The following SH3RF3 variants were observed in gnomAD, a reference collection of about 807,000 sequenced individuals.
SH3RF3 encodes the protein E3 ubiquitin-protein ligase SH3RF3.
A neutral mutation model predicts 66.3 loss-of-function variants in SH3RF3; 29 were observed. The ratio of observed to expected loss-of-function variants is 0.44; its 90% CI spans 0.33 to 0.60. The LOEUF (loss-of-function observed/expected upper bound fraction) is 0.60, where lower values mean the gene tolerates loss of function less well. Among genes scored for constraint, SH3RF3 ranks in the 20% least tolerant of loss-of-function variants. The pLI, the probability that SH3RF3 is intolerant of heterozygous loss-of-function variation, is 0.04. For missense variants in SH3RF3, 1,194 were observed against 1,190.9 expected, an observed-to-expected ratio of 1.00 and a Z score of -0.04; for synonymous variants, 583 against 532.0, an observed-to-expected ratio of 1.10 and a Z score of -1.32.
At chr2:109,179,887 AAAATACAG>A (rs1277608178) in intron 1 of SH3RF3, among the ~76,000 whole-genome samples, 1 of 152,220 alleles carries the variant, frequency 6.6e-6, no homozygotes, top group African/African-American at 2.4e-5. Context: ...TTATCGCAGG[AAAATACAG>A]GGGTCAAAAA....
chr2:109,387,146 G>T (rs1675843733), intron 3 of SH3RF3, among the ~76,000 whole-genome samples: 1 of 152,170 alleles, frequency 6.6e-6, no homozygotes, highest in Non-Finnish European at 1.5e-5. Flanking sequence ...TCTTTTCTAT[G>T]TATAAATTTA....
At chr2:109,280,603 C>A (rs575731529) in intron 1 of SH3RF3, among the ~76,000 whole-genome samples, 4 of 150,934 alleles carry the variant, frequency 2.7e-5, no homozygotes, top group Non-Finnish European at 5.9e-5. Flanking sequence ...AAGTAGTCTC[C>A]AAGCTAAAAA....
At chr2:109,333,943 G>A (rs750665716) in intron 1 of SH3RF3, among the ~76,000 whole-genome samples, 1 of 152,160 alleles carries the variant, frequency 6.6e-6, no homozygotes, top group Admixed American at 6.5e-5. Flanking sequence ...TAATAATGAG[G>A]ACATGCTCAG....
chr2:109,405,374 C>A (rs1676426871), intron 4 of SH3RF3, among the ~76,000 whole-genome samples: 1 of 152,170 alleles, frequency 6.6e-6, no homozygotes, highest in South Asian at 2.1e-4. Flanking sequence ...TGACTCCCTG[C>A]CCCTGAGTTC....
At chr2:109,390,133 T>C (rs1464821352) in intron 3 of SH3RF3, among the ~76,000 whole-genome samples, 2 of 152,254 alleles carry the variant, frequency 1.3e-5, no homozygotes, top group Non-Finnish European at 2.9e-5. Flanking sequence ...CCCCACCTGC[T>C]GCCAAGGGTC....
At chr2:109,274,807 G>T (rs1281250240) in intron 1 of SH3RF3, among the ~76,000 whole-genome samples, 2 of 151,970 alleles carry the variant, frequency 1.3e-5, no homozygotes, top group African/African-American at 4.8e-5. Flanking sequence ...CAATAAAAGA[G>T]CTAGTTCTAA....
intron 1 of SH3RF3, among the ~76,000 whole-genome samples, chr2:109,137,730 A>G (rs1676843272): frequency 6.6e-6 from 1 of 152,218 alleles, no homozygotes; most frequent in South Asian, 2.1e-4. Flanking sequence ...AGGTTAACTA[A>G]TCTCATTAGA....
At chr2:109,188,255 C>T (rs925996620) in intron 1 of SH3RF3, among the ~76,000 whole-genome samples, 1 of 152,228 alleles carries the variant, frequency 6.6e-6, no homozygotes, top group Non-Finnish European at 1.5e-5. Context: ...AACTCCACCG[C>T]CACCCCAGCA....
intron 1 of SH3RF3, among the ~76,000 whole-genome samples, chr2:109,217,242 T>C (rs1336176540): frequency 6.6e-6 from 1 of 152,256 alleles, no homozygotes; most frequent in African/African-American, 2.4e-5. Context: ...TTTAATAAAA[T>C]TCTGTCTTCC....
chr2:109,199,594 G>GTAACCCT (rs1678604480), intron 1 of SH3RF3, among the ~76,000 whole-genome samples: 1 of 86 alleles, frequency 0.012, no homozygotes, highest in African/African-American at 0.026. Context: ...GAATGGAATG[G>GTAACCCT]AATGGAATGG....
In SH3RF3 at chr2:109,387,375, C is replaced by G. The variant is rs144026450; in HGVS notation, c.946-11215C>G. Among the ~76,000 whole-genome samples the G allele has an allele frequency of 4.6e-3, 704 of 152,300 alleles. 8 individuals carry two copies. The highest frequency in any genetic ancestry group is 0.016 in the African/African-American group (676 of 41,558). ...ATCTCAGGGGAGATCCAGGACCTCC[C>G]AGGGGCCCAGAAGCTTCAGCACTAG... is the stretch of plus-strand genomic sequence containing the variant. On this transcript the variant is annotated intron_variant, in intron 3 of 9. Transcript: ENST00000309415.
In SH3RF3 at chr2:109,371,690, G is replaced by A. The variant is rs549944629; in HGVS notation, c.945+9G>A. On this transcript the variant is annotated intron_variant, in intron 3 of 9. Transcript: ENST00000309415. ...CGCTCCTGTACGTGGAGGTAAGACC[G>A]TGCCGCCCTCCCACACTTGGCTCCT... is the stretch of plus-strand genomic sequence containing the variant. The A allele has an allele frequency of 3.0e-5, 49 of 1,611,940 alleles. No homozygotes were observed. In the South Asian group the frequency reaches 3.6e-4, roughly 12 times the overall value.
At position 109,154,654 on chromosome 2, in the gene SH3RF3, T is replaced by C. The variant is rs1487684620; in HGVS notation, c.573+24541T>C. 2.6e-5 allele frequency among the ~76,000 whole-genome samples: 4 copies of C among 152,216 alleles called. No homozygotes were observed. The East Asian group carries it at 7.7e-4, about 29-fold the overall frequency. ...CTTCTGGCCTCCAAATGAATACTTT[T>C]GGCCTTGCTGTAGTGCTGGCCAGGG... On this transcript the variant is annotated intron_variant, in intron 1 of 9. Transcript: ENST00000309415.
At chr2:109,206,039 G>A (rs959699956) in intron 1 of SH3RF3, among the ~76,000 whole-genome samples, 1 of 152,212 alleles carries the variant, frequency 6.6e-6, no homozygotes, top group Non-Finnish European at 1.5e-5. Context: ...ACTGTCACTT[G>A]TACCCTGAGA....
chr2:109,439,383 C>T (rs1677499904), intron 7 of SH3RF3, among the ~76,000 whole-genome samples: 2 of 152,128 alleles, frequency 1.3e-5, no homozygotes, highest in African/African-American at 2.4e-5. Context: ...AATTAAATGC[C>T]ACTGAGTTCC....
chr2:109,285,442 G>A (rs1486456049), intron 1 of SH3RF3, among the ~76,000 whole-genome samples: 2 of 152,238 alleles, frequency 1.3e-5, no homozygotes, highest in African/African-American at 4.8e-5. Flanking sequence ...AGTGCAGTGT[G>A]CCTGCTGTGC....
intron 1 of SH3RF3, among the ~76,000 whole-genome samples, chr2:109,165,386 G>A (rs553561532): frequency 2.6e-5 from 4 of 152,266 alleles, no homozygotes; most frequent in African/African-American, 7.2e-5. Flanking sequence ...TTGACAGGGT[G>A]GTTGGAGAAA....
At chr2:109,338,088 T>G (rs894447058) in intron 1 of SH3RF3, among the ~76,000 whole-genome samples, 1 of 152,132 alleles carries the variant, frequency 6.6e-6, no homozygotes, top group Admixed American at 6.5e-5. Flanking sequence ...TGGAGAACTT[T>G]AGTAAACACG....
chr2:109,196,625 C>G (rs188574267), intron 1 of SH3RF3, among the ~76,000 whole-genome samples: 243 of 152,286 alleles, frequency 1.6e-3, no homozygotes, highest in African/African-American at 5.1e-3. Context: ...AGTGCTGCTG[C>G]GCTGTGGTTG....
Sources: gnomAD v4.1 joint callset for allele counts (sites outside exome capture counted in the v4.1 genomes callset) on GRCh38, gnomAD v4.1.1 for gene constraint, MANE v1.5 for transcripts, NCBI Gene and HGNC (gene_info 2026-07-23, HGNC 2026-07-21) for gene names.